The following SYNE3 variants were observed in gnomAD, a reference collection of about 807,000 sequenced individuals.
The protein encoded by SYNE3 is nesprin-3.
In SYNE3, 100 loss-of-function variants were observed where a neutral mutation model predicts 111.2. The observed-to-expected ratio is 0.90, with a 90% CI of 0.77 to 1.06. The LOEUF is 1.06. SYNE3 is among the 50% of genes least tolerant of loss of function. The probability of loss-of-function intolerance (pLI) is 0.00; values close to 1 mark genes in which losing one functional copy is unlikely to be tolerated. For missense variants in SYNE3, 1,160 were observed against 1,240.3 expected, an observed-to-expected ratio of 0.94 and a Z score of 0.97; for synonymous variants, 547 against 533.9, an observed-to-expected ratio of 1.02 and a Z score of -0.34.
At position 95,464,415 on chromosome 14, in the gene SYNE3, C is replaced by CA. The variant is rs1046446827; in HGVS notation, c.627+1515dup. 6.5e-4 allele frequency among the ~76,000 whole-genome samples: 99 copies of CA among 152,258 alleles called. 1 individual carries two copies. The highest frequency in any genetic ancestry group is 2.2e-3 in the African/African-American group (92 of 41,550). On this transcript the variant is annotated intron_variant, in intron 4 of 17. Coordinates refer to ENST00000682763, the MANE Select transcript of SYNE3 (RefSeq NM_152592.6). Reference sequence around the variant, plus strand: ...AGACCACTGCAAAAAGACAGAGCCTCAAGTGGCTGCCCGCCCCCACTAGCC... The same window carrying CA: ...AGACCACTGCAAAAAGACAGAGCCTCAAAGTGGCTGCCCGCCCCCACTAGCC...
At chr14:95,426,261 G>A (rs921786482) in intron 17 of SYNE3, among the ~76,000 whole-genome samples, 1 of 152,226 alleles carries the variant, frequency 6.6e-6, no homozygotes, top group Non-Finnish European at 1.5e-5. Flanking sequence ...ATGACACAGA[G>A]CATGGTTTGA....
chr14:95,440,452 G>A lies in SYNE3; in HGVS notation c.1912-377C>T, dbSNP rs566631341. ...ATGGCCCAGCCATTCCACTCCCGGT[G>A]TATGTCCCAGAAATGGGAACATATC... On this transcript the variant is annotated intron_variant, in intron 11 of 17. Coordinates refer to ENST00000682763, the MANE Select transcript of SYNE3 (RefSeq NM_152592.6). Among the ~76,000 whole-genome samples, 22 of 152,286 alleles carry A rather than the reference G, an allele frequency of 1.4e-4. No individual in the cohort carries two copies. In the East Asian group the frequency reaches 4.2e-3, roughly 29 times the overall value.
At chr14:95,427,171 C>T (rs956758433) in intron 17 of SYNE3, among the ~76,000 whole-genome samples, 2 of 152,244 alleles carry the variant, frequency 1.3e-5, no homozygotes, top group South Asian at 2.1e-4. Context: ...CTGTTATGCC[C>T]GGACAGGGCC....
At chr14:95,419,740 G>A (rs1884973669) in intron 17 of SYNE3, among the ~76,000 whole-genome samples, 1 of 148,634 alleles carries the variant, frequency 6.7e-6, no homozygotes, top group Non-Finnish European at 1.5e-5. Context: ...TGAGAGTAAG[G>A]TGGTGATGAT....
intron 10 of SYNE3, chr14:95,443,642 G>C (rs1207058851): frequency 6.4e-5 from 13 of 203,886 alleles, no homozygotes. Flanking sequence ...AACCCAAAAT[G>C]CACTATTTTT....
chr14:95,494,600 G>T (rs986524226), intron 1 of SYNE3, among the ~76,000 whole-genome samples: 5 of 152,140 alleles, frequency 3.3e-5, no homozygotes, highest in African/African-American at 1.2e-4. Flanking sequence ...GTGGGCAATA[G>T]GGAGCCAGTG....
intron 3 of SYNE3, among the ~76,000 whole-genome samples, chr14:95,467,184 A>T (rs1173469602): frequency 6.6e-6 from 1 of 152,214 alleles, no homozygotes; most frequent in Non-Finnish European, 1.5e-5. Context: ...GCTTTATAAA[A>T]ATGGAGATGA....
intron 17 of SYNE3, among the ~76,000 whole-genome samples, chr14:95,421,122 G>T (rs1272865015): frequency 1.3e-5 from 2 of 152,120 alleles, no homozygotes. Flanking sequence ...CAGCCACGTG[G>T]AACTGTGAGT....
At position 95,466,219 on chromosome 14, in the gene SYNE3, C is replaced by T. The variant is rs745493684; in HGVS notation, c.339G>A (p.Leu113=). 1.9e-6 allele frequency: 3 copies of T among 1,579,176 alleles called. No individual in the cohort carries two copies. Among genetic ancestry groups the T allele is most frequent in the South Asian group, 2.3e-5 (2 of 88,684 alleles). ...GGGCCAGCAGGTACTCGCTCCAGTGCAGCCACACCCACTCGATGCGGCTGT... is the reference window on the plus strand; with the variant it reads ...GGGCCAGCAGGTACTCGCTCCAGTGTAGCCACACCCACTCGATGCGGCTGT... ...HCHSRIEWVW[L]HWSEYLLARD... Residue 113 remains leucine (L), a synonymous_variant, in exon 4 of 18, where the codon CTG becomes CTA. Coordinates refer to ENST00000682763, the MANE Select transcript of SYNE3 (RefSeq NM_152592.6).
At position 95,436,975 on chromosome 14, in the gene SYNE3, G is replaced by T; in HGVS notation, c.2383C>A (p.Leu795Ile). The T allele has an allele frequency of 6.3e-7, 1 of 1,593,592 alleles. No homozygotes were observed. ...TGGCTCCCTTCTTCTTCCTGTAGAA[G>T]ATTTGCCTGTAGGATCACACACGGC... ...PIPRHRRRANLLQEEEGSHED... is the reference protein window; with the variant it reads ...PIPRHRRRANILQEEEGSHED... The change falls in exon 15 of 18, where the codon CTT becomes ATT. Residue 795 changes from leucine (L) to isoleucine (I), a missense_variant. By Grantham distance (5) the Leu-to-Ile change is conservative. Transcript: ENST00000682763.
intron 2 of SYNE3, among the ~76,000 whole-genome samples, chr14:95,471,091 G>T (rs1320917160): frequency 1.3e-5 from 2 of 152,108 alleles, no homozygotes; most frequent in East Asian, 1.9e-4. Flanking sequence ...ACAAACAAGG[G>T]AGCTGGGGAC....
Position 95,485,072 on chromosome 14 carries a change from G to A in SYNE3, c.-14-9237C>T, listed in dbSNP as rs1447004303. On this transcript the variant is annotated intron_variant, in intron 1 of 17. Transcript: ENST00000682763. This position sits in a 1 kb window ranked among gnomAD's most constrained non-coding sequence, Gnocchi z 4.3. The stretch of plus-strand genomic sequence containing the variant: ...TCACTTTGAGAACCATGGGCTTGGA[G>A]GATGTCTCAGCCTCCCGTAGATGAG... 6.6e-6 allele frequency among the ~76,000 whole-genome samples: 1 copy of A among 152,186 alleles called. No homozygotes were observed. Among genetic ancestry groups the A allele is most frequent in the African/African-American group, 2.4e-5 (1 of 41,442 alleles).
At chr14:95,480,588 C>T (rs1183535265) in intron 1 of SYNE3, among the ~76,000 whole-genome samples, 1 of 152,178 alleles carries the variant, frequency 6.6e-6, no homozygotes, top group Non-Finnish European at 1.5e-5. Context: ...TAAGGATGCA[C>T]TTTGGGAGAG....
rs540417747 is a variant in SYNE3, at chr14:95,460,142, A to G, written c.628-2804T>C. Among the ~76,000 whole-genome samples, 54 of 152,230 alleles carry G rather than the reference A, an allele frequency of 3.5e-4. 1 individual carries two copies. The South Asian group carries it at 0.011, about 30-fold the overall frequency. ...ACAACAAAAATTGTTGAGCACTCCA[A>G]CTGGGGTTGTGAAAAAGAGAAATAA... On this transcript the variant is annotated intron_variant, in intron 4 of 17. Coordinates refer to ENST00000682763, the MANE Select transcript of SYNE3 (RefSeq NM_152592.6).
At chr14:95,515,913 A>G (rs540425271) in intron 1 of SYNE3, among the ~76,000 whole-genome samples, 1 of 152,168 alleles carries the variant, frequency 6.6e-6, no homozygotes, top group Non-Finnish European at 1.5e-5. Flanking sequence ...GGCCACATCA[A>G]TGGGTCTGCT....
At position 95,426,875 on chromosome 14, in the gene SYNE3, C is replaced by T. The variant is rs192556172; in HGVS notation, c.2727+5204G>A. On this transcript the variant is annotated intron_variant, in intron 17 of 17. Coordinates refer to ENST00000682763, the MANE Select transcript of SYNE3 (RefSeq NM_152592.6). ...GGGAGAATGGCGTGAACCCAGGAGG[C>T]GGAGCTTGCAGTGATCCAAGATCGC... is the stretch of plus-strand genomic sequence containing the variant. 1.1e-3 allele frequency among the ~76,000 whole-genome samples: 148 copies of T among 137,704 alleles called. No individual in the cohort carries two copies. In the East Asian group the frequency reaches 0.025, roughly 23 times the overall value. The allele number at this position is 137,704 out of a possible 152,430, so 90.3% of individuals were successfully genotyped here. A position where few individuals can be genotyped will look rare whatever the true frequency, so the allele number is the denominator to read the frequency against.
intron 15 of SYNE3, among the ~76,000 whole-genome samples, chr14:95,434,989 G>T (rs1323951194): frequency 2.0e-5 from 3 of 152,126 alleles, no homozygotes; most frequent in Admixed American, 1.3e-4. Context: ...TACATATTTT[G>T]GCAAACACAA....
intron 16 of SYNE3, among the ~76,000 whole-genome samples, chr14:95,432,874 T>G (rs893846663): frequency 6.6e-6 from 1 of 151,444 alleles, no homozygotes; most frequent in Non-Finnish European, 1.5e-5. Context: ...TCGGGCAAGG[T>G]TTTTCACTGC....
chr14:95,455,977 G>A (rs1458373373), intron 5 of SYNE3: 1 of 493,912 alleles, frequency 2.0e-6, no homozygotes, highest in African/African-American at 1.9e-5. Context: ...GTCTCTGTTG[G>A]GTGCTTCTGT....
Sources: gnomAD v4.1 joint callset for allele counts (sites outside exome capture counted in the v4.1 genomes callset) on GRCh38, gnomAD v4.1.1 for gene constraint, Gnocchi (gnomAD v3.1) non-coding constraint, MANE v1.5 for transcripts, NCBI Gene and HGNC (gene_info 2026-07-23, HGNC 2026-07-21) for gene names.